The following HECTD4 variants were observed in gnomAD, a reference collection of about 807,000 sequenced individuals.
HECTD4 encodes the protein HECT domain E3 ubiquitin protein ligase 4.
In HECTD4, 114 loss-of-function variants were observed where a neutral mutation model predicts 471.5. The ratio of observed to expected loss-of-function variants is 0.24; its 90% CI spans 0.21 to 0.28. The LOEUF (loss-of-function observed/expected upper bound fraction) is 0.28. Among genes scored for constraint, HECTD4 ranks in the 10% least tolerant of loss-of-function variants. HECTD4 has a pLI of 1.00. For synonymous variants in HECTD4, 2,012 were observed against 2,256.0 expected, an observed-to-expected ratio of 0.89 and a Z score of 3.07; for missense variants, 3,866 against 5,651.5, an observed-to-expected ratio of 0.68 and a Z score of 10.13.
At chr12:112,300,320 A>G (rs907708198) in intron 7 of HECTD4, among the ~76,000 whole-genome samples, 9 of 151,874 alleles carry the variant, frequency 5.9e-5, no homozygotes, top group Non-Finnish European at 8.8e-5. Context: ...AAAAAAAAAA[A>G]AAAGAAAGAA....
chr12:112,165,109 C>T (rs1224515074), intron 72 of HECTD4, among the ~76,000 whole-genome samples: 1 of 150,494 alleles, frequency 6.6e-6, no homozygotes, highest in Non-Finnish European at 1.5e-5. Flanking sequence ...TTAGTAGAGA[C>T]GGGGTTTCAC....
At chr12:112,376,432 G>A (rs2036782523) in intron 1 of HECTD4, among the ~76,000 whole-genome samples, 1 of 152,124 alleles carries the variant, frequency 6.6e-6, no homozygotes, top group African/African-American at 2.4e-5. Flanking sequence ...ATTTTTAGTA[G>A]AGACGGGGTT....
intron 1 of HECTD4, among the ~76,000 whole-genome samples, chr12:112,371,009 G>A (rs1196073406): frequency 6.6e-6 from 1 of 152,152 alleles, no homozygotes; most frequent in Non-Finnish European, 1.5e-5. Flanking sequence ...GTGGGGAGGG[G>A]AAAGCATGGG....
Position 112,239,286 on chromosome 12 carries a change from C to T in HECTD4, c.5106-50G>A. The T allele has an allele frequency of 1.3e-6, 2 of 1,510,996 alleles. No homozygotes were observed. Among genetic ancestry groups the T allele is most frequent in the South Asian group, 1.3e-5 (1 of 75,036 alleles). The allele number at this position is 1,510,996 out of a possible 1,614,324, so 93.6% of individuals were successfully genotyped here. On this transcript the variant is annotated intron_variant, in intron 33 of 75. Transcript: ENST00000682272. This position sits in a 1 kb window ranked among gnomAD's most constrained non-coding sequence, Gnocchi z 4.9. ...TAGATAAACGTAACTGACCGACACT[C>T]AGGAAACTCTCATGTGAGGTTCAAA...
intron 4 of HECTD4, 83 bp from the exon 5 acceptor site, chr12:112,309,752 AT>A: frequency 1.5e-6 from 1 of 646,530 alleles, no homozygotes; most frequent in Non-Finnish European, 2.6e-6. Flanking sequence ...TGAAAAAGCC[AT>A]TAGGAGGTTG....
intron 48 of HECTD4, among the ~76,000 whole-genome samples, chr12:112,215,524 A>G (rs763931370): frequency 9.2e-5 from 14 of 152,218 alleles, no homozygotes; most frequent in Non-Finnish European, 2.1e-4. Context: ...GACTAAAAAG[A>G]AGGAGGAAAG....
chr12:112,272,221 T>C (rs2135623645), intron 11 of HECTD4, among the ~76,000 whole-genome samples: 1 of 152,294 alleles, frequency 6.6e-6, no homozygotes, highest in Non-Finnish European at 1.5e-5. Context: ...CTAACTTTTT[T>C]GTATTTTTAG....
rs2034585232 is a variant in HECTD4, at chr12:112,279,139, AAAGT to A, written c.1687+85_1687+88del. ...GAGCTATTGCAAACAACTATTTAAC[AAAGT>A]AAGTTTTAAATAATTAATAGGAAAG... On this transcript the variant is annotated intron_variant, in intron 9 of 75. Transcript: ENST00000682272. The A allele has an allele frequency of 2.6e-5, 30 of 1,160,384 alleles. No homozygotes were observed. In the South Asian group the frequency reaches 3.3e-4, roughly 13 times the overall value. 71.9% of individuals were successfully genotyped at this position (1,160,384 alleles called of 1,614,324 possible). A position where few individuals can be genotyped will look rare whatever the true frequency, so the allele number is the denominator to read the frequency against.
At chr12:112,362,210 A>C (rs2036462640) in intron 1 of HECTD4, among the ~76,000 whole-genome samples, 1 of 152,340 alleles carries the variant, frequency 6.6e-6, no homozygotes, top group South Asian at 2.1e-4. Context: ...CTGTTTGAAA[A>C]GATTTCCGTT....
chr12:112,233,609 A>C (rs1175170036), intron 37 of HECTD4, among the ~76,000 whole-genome samples: 1 of 152,160 alleles, frequency 6.6e-6, no homozygotes, highest in Non-Finnish European at 1.5e-5. Context: ...ATAGCACTTT[A>C]GGGCCCAAAA....
intron 3 of HECTD4, 130 bp downstream of exon 3, chr12:112,314,327 T>C: frequency 2.1e-6 from 1 of 481,810 alleles, no homozygotes; most frequent in Non-Finnish European, 3.7e-6. Flanking sequence ...AGAAGGTAAA[T>C]ATGAGTCTAT....
intron 1 of HECTD4, among the ~76,000 whole-genome samples, chr12:112,366,768 C>G (rs2036567918): frequency 6.7e-6 from 1 of 150,300 alleles, no homozygotes; most frequent in South Asian, 2.1e-4. Context: ...GTAATACCAG[C>G]TACTTGGAGG....
chr12:112,185,595 C>T (rs1301184975), intron 60 of HECTD4, 102 bp from the exon 61 acceptor site: 1 of 859,722 alleles, frequency 1.2e-6, no homozygotes. Context: ...ACCCTGTGAA[C>T]ACTGACTGCG....
Position 112,365,543 on chromosome 12 carries a change from C to T in HECTD4, c.177+16409G>A, listed in dbSNP as rs570900662. Among the ~76,000 whole-genome samples, 9 of 152,292 alleles carry T rather than the reference C, an allele frequency of 5.9e-5. No individual in the cohort carries two copies. In the East Asian group the frequency reaches 1.5e-3, roughly 26 times the overall value. On this transcript the variant is annotated intron_variant, in intron 1 of 75. Coordinates refer to ENST00000682272, the MANE Select transcript of HECTD4 (RefSeq NM_001388303.1). Reference sequence around the variant, plus strand: ...GCCACATTCAACTGCTCAATAGCCACATGTGGGTGGTGGCTACCAACTGGA... The same window carrying T: ...GCCACATTCAACTGCTCAATAGCCATATGTGGGTGGTGGCTACCAACTGGA...
Position 112,184,130 on chromosome 12 carries a change from C to T in HECTD4, c.10779+57G>A. The T allele has an allele frequency of 6.8e-7, 1 of 1,462,982 alleles. No homozygotes were observed. Among genetic ancestry groups the T allele is most frequent in the Non-Finnish European group, 9.4e-7 (1 of 1,067,112 alleles). 90.6% of individuals were successfully genotyped at this position (1,462,982 alleles called of 1,614,324 possible). A position where few individuals can be genotyped will look rare whatever the true frequency, so the allele number is the denominator to read the frequency against. On this transcript the variant is annotated intron_variant, in intron 61 of 75. Transcript: ENST00000682272. The surrounding 1 kb of genome is among the most constrained non-coding windows in gnomAD (Gnocchi z 9.1). ...AATAACTTTGGAAGATTTAAAGAGG[C>T]TTGGGGGATTGAAATGGGTCATGAT... is the stretch of plus-strand genomic sequence containing the variant.
chr12:112,184,160 T>A lies in HECTD4; in HGVS notation c.10779+27A>T. 1 of 1,553,960 alleles carries A rather than the reference T, an allele frequency of 6.4e-7. No individual in the cohort carries two copies. The highest frequency in any genetic ancestry group is 8.8e-7 in the Non-Finnish European group (1 of 1,137,924). On this transcript the variant is annotated intron_variant, in intron 61 of 75. Coordinates refer to ENST00000682272, the MANE Select transcript of HECTD4 (RefSeq NM_001388303.1). This position sits in a 1 kb window ranked among gnomAD's most constrained non-coding sequence, Gnocchi z 9.1. ...GGGATTGAAATGGGTCATGATTTAG[T>A]GGTTGCAGAGGCTTGAAAGCTGTTA...
chr12:112,195,120 T>G, intron 55 of HECTD4, 54 bp from the exon 56 acceptor site: 1 of 1,479,644 alleles, frequency 6.8e-7, no homozygotes, highest in South Asian at 1.2e-5. Flanking sequence ...CCGGCCCCCA[T>G]ACCGGGACCA....
intron 9 of HECTD4, among the ~76,000 whole-genome samples, chr12:112,275,405 G>A (rs544763023): frequency 4.9e-4 from 74 of 152,216 alleles, no homozygotes; most frequent in African/African-American, 1.8e-3. Flanking sequence ...GACACACCCT[G>A]GCTTTTTCCC....
chr12:112,162,359 G>T lies in HECTD4; in HGVS notation c.*28C>A. The T allele has an allele frequency of 6.2e-7, 1 of 1,613,546 alleles. No homozygotes were observed. The highest frequency in any genetic ancestry group is 1.1e-5 in the South Asian group (1 of 91,022). ...AAGCCAGCAGAGTGGGTGCCTCAGT[G>T]ACAGCCTAATTCTGGGGCTCCCTCC... On this transcript the variant is annotated 3_prime_UTR_variant, in exon 76 of 76. Coordinates refer to ENST00000682272, the MANE Select transcript of HECTD4 (RefSeq NM_001388303.1). This position sits in a 1 kb window ranked among gnomAD's most constrained non-coding sequence, Gnocchi z 5.2.
Sources: gnomAD v4.1 joint callset for allele counts (sites outside exome capture counted in the v4.1 genomes callset) on GRCh38, gnomAD v4.1.1 for gene constraint, Gnocchi (gnomAD v3.1) non-coding constraint, MANE v1.5 for transcripts, NCBI Gene and HGNC (gene_info 2026-07-23, HGNC 2026-07-21) for gene names.